MARCHF1: variants seen among roughly 807,000 people sequenced by gnomAD.
The protein encoded by MARCHF1 is E3 ubiquitin-protein ligase MARCHF1.
Under a neutral mutation model 54.2 loss-of-function variants are expected in MARCHF1, and 40 were observed. That is an observed-to-expected ratio of 0.74 (90% CI 0.57 to 0.96). The LOEUF is 0.96. MARCHF1 is among the 40% of genes least tolerant of loss of function. The probability of loss-of-function intolerance (pLI) is 0.00; values close to 1 mark genes in which losing one functional copy is unlikely to be tolerated. For missense variants in MARCHF1, 586 were observed against 656.5 expected, an observed-to-expected ratio of 0.89 and a Z score of 1.17; for synonymous variants, 236 against 236.3, an observed-to-expected ratio of 1.00 and a Z score of 0.01.
At chr4:163,841,004 C>T (rs1040443824) in intron 4 of MARCHF1, among the ~76,000 whole-genome samples, 1 of 151,856 alleles carries the variant, frequency 6.6e-6, no homozygotes, top group Admixed American at 6.6e-5. Flanking sequence ...CTGCATTTAC[C>T]TTTGTATAGC....
At position 164,001,362 on chromosome 4, in the gene MARCHF1, G is replaced by T. The variant is rs866604715; in HGVS notation, c.-247-12653C>A. 6.6e-5 allele frequency among the ~76,000 whole-genome samples: 10 copies of T among 151,834 alleles called. No homozygotes were observed. In the Middle Eastern group the frequency reaches 0.01, roughly 155 times the overall value. Reference sequence around the variant, plus strand: ...GTTAGGTTACAAACACCTAGGAAGAGAATGGAAATCATAAAATCAGGTAAT... The same window carrying T: ...GTTAGGTTACAAACACCTAGGAAGATAATGGAAATCATAAAATCAGGTAAT... On this transcript the variant is annotated intron_variant, in intron 2 of 9. Transcript: ENST00000514618.
rs1753411490 is a variant in MARCHF1, at chr4:164,011,145, C to A, written c.-247-22436G>T. 1.3e-5 allele frequency among the ~76,000 whole-genome samples: 2 copies of A among 152,004 alleles called. 1 individual carries two copies. Among genetic ancestry groups the A allele is most frequent in the Non-Finnish European group, 2.9e-5 (2 of 68,004 alleles). ...TGGATGGAAGATTTAAATCTAAAAC[C>A]TGAAACTATGAAGCTACTAGAAAAA... On this transcript the variant is annotated intron_variant, in intron 2 of 9. Transcript: ENST00000514618.
chr4:163,850,102 C>T (rs553797742), intron 4 of MARCHF1, among the ~76,000 whole-genome samples: 2 of 152,126 alleles, frequency 1.3e-5, no homozygotes, highest in Non-Finnish European at 2.9e-5. Context: ...AGTGTCATTC[C>T]AGGAATGCTT....
chr4:164,072,046 G>C (rs1427468197), intron 2 of MARCHF1, among the ~76,000 whole-genome samples: 1 of 149,948 alleles, frequency 6.7e-6, no homozygotes, highest in African/African-American at 2.5e-5. Flanking sequence ...AAAAAAAAAA[G>C]AAGTAATAAA....
At chr4:163,564,663 A>T (rs1311631248) in intron 8 of MARCHF1, among the ~76,000 whole-genome samples, 1 of 152,230 alleles carries the variant, frequency 6.6e-6, no homozygotes, top group Non-Finnish European at 1.5e-5. Flanking sequence ...TCAAATTACC[A>T]TGTAAGTTAA....
At chr4:163,586,982 A>G (rs1169263146) in intron 7 of MARCHF1, among the ~76,000 whole-genome samples, 1 of 152,212 alleles carries the variant, frequency 6.6e-6, no homozygotes, top group African/African-American at 2.4e-5. Flanking sequence ...TCTAAAAAAA[A>G]TCACAAAAAT....
At chr4:164,166,441 G>A (rs1220388329) in intron 1 of MARCHF1, among the ~76,000 whole-genome samples, 1 of 151,964 alleles carries the variant, frequency 6.6e-6, no homozygotes, top group East Asian at 1.9e-4. Context: ...TTGACAAAGT[G>A]CAGCATCCTT....
At chr4:163,562,980 G>A (rs188357970) in intron 8 of MARCHF1, among the ~76,000 whole-genome samples, 9 of 152,210 alleles carry the variant, frequency 5.9e-5, no homozygotes, top group African/African-American at 1.9e-4. Context: ...ACTTAATTGA[G>A]TCCATCTCCT....
intron 1 of MARCHF1, among the ~76,000 whole-genome samples, chr4:164,269,066 T>C (rs1181962535): frequency 6.6e-6 from 1 of 152,166 alleles, no homozygotes; most frequent in Non-Finnish European, 1.5e-5. Flanking sequence ...TTTGCACTAT[T>C]GTTAGGTAAC....
rs527694040 is a variant in MARCHF1 at position 164,055,900 on chromosome 4, T to C, written c.-248+55688A>G. On this transcript the variant is annotated intron_variant, in intron 2 of 9. Transcript: ENST00000514618. Reference sequence around the variant, plus strand: ...CTTTTTGTTTAGATCAATTTATTCTTCTTTAGTCAAGTCTGTTTTAGTGAT... The same window carrying C: ...CTTTTTGTTTAGATCAATTTATTCTCCTTTAGTCAAGTCTGTTTTAGTGAT... Among the ~76,000 whole-genome samples the C allele has an allele frequency of 2.6e-5, 4 of 152,346 alleles. No individual in the cohort carries two copies. In the South Asian group the frequency reaches 8.3e-4, roughly 32 times the overall value.
chr4:163,685,277 T>C (rs1341330049), intron 5 of MARCHF1, among the ~76,000 whole-genome samples: 2 of 152,142 alleles, frequency 1.3e-5, no homozygotes, highest in African/African-American at 4.8e-5. Context: ...CTTAATGTAG[T>C]GAAATGCATA....
intron 1 of MARCHF1, among the ~76,000 whole-genome samples, chr4:164,192,558 C>T (rs934839465): frequency 6.6e-6 from 1 of 152,050 alleles, no homozygotes; most frequent in African/African-American, 2.4e-5. Context: ...ATAAAGTGGG[C>T]TCCTCTTGTC....
chr4:164,101,142 C>T (rs139146048), intron 2 of MARCHF1, among the ~76,000 whole-genome samples: 1,774 of 152,278 alleles, frequency 0.012, 14 homozygotes, highest in Non-Finnish European at 0.017. Flanking sequence ...ATTGCTAGCA[C>T]GGCAGTCTGA....
intron 4 of MARCHF1, among the ~76,000 whole-genome samples, chr4:163,760,505 T>G (rs1271464656): frequency 6.6e-6 from 1 of 152,212 alleles, no homozygotes; most frequent in African/African-American, 2.4e-5. Flanking sequence ...CTTTGCTTTC[T>G]TCTTGAAGTA....
intron 3 of MARCHF1, among the ~76,000 whole-genome samples, chr4:163,895,551 T>C (rs1750786882): frequency 1.3e-5 from 2 of 152,166 alleles, no homozygotes; most frequent in Non-Finnish European, 2.9e-5. Flanking sequence ...TAGCCACTGC[T>C]CTTCCCACCT....
Position 164,309,333 on chromosome 4 carries a change from T to A in MARCHF1, c.-323+74537A>T, listed in dbSNP as rs147714761. Among the ~76,000 whole-genome samples, 44 of 152,192 alleles carry A rather than the reference T, an allele frequency of 2.9e-4. No individual in the cohort carries two copies. In the East Asian group the frequency reaches 4.8e-3, roughly 17 times the overall value. On this transcript the variant is annotated intron_variant, in intron 1 of 9. Coordinates refer to ENST00000514618, the MANE Select transcript of MARCHF1 (RefSeq NM_001394959.1). The stretch of plus-strand genomic sequence containing the variant: ...GTGGCTTTCTGCTTTTGTCTGCATG[T>A]CTGCTTTGCGCTCCCTGCCACATTT...
At chr4:164,335,426 C>T (rs993156868) in intron 1 of MARCHF1, among the ~76,000 whole-genome samples, 24 of 152,088 alleles carry the variant, frequency 1.6e-4, no homozygotes, top group South Asian at 4.1e-4. Flanking sequence ...ACCAAAAATA[C>T]GAAAAATTAA....
intron 3 of MARCHF1, among the ~76,000 whole-genome samples, chr4:163,944,133 A>ATTT (rs5863642): frequency 5.4e-5 from 6 of 110,128 alleles, no homozygotes; most frequent in African/African-American, 2.1e-4. Flanking sequence ...CACCGGGCTA[A>ATTT]TTTTTTTTTT....
chr4:163,863,174 G>A (rs544687636), intron 3 of MARCHF1, among the ~76,000 whole-genome samples: 189 of 152,038 alleles, frequency 1.2e-3, no homozygotes, highest in Non-Finnish European at 2.3e-3. Context: ...ACATCATTTC[G>A]AGTTCAGGGA....
Sources: gnomAD v4.1 joint callset for allele counts (sites outside exome capture counted in the v4.1 genomes callset) on GRCh38, gnomAD v4.1.1 for gene constraint, MANE v1.5 for transcripts, NCBI Gene and HGNC (gene_info 2026-07-23, HGNC 2026-07-21) for gene names.